ZCCHC2: variants seen among roughly 807,000 people sequenced by gnomAD.
ZCCHC2 encodes the protein zinc finger CCHC domain-containing protein 2.
Under a neutral mutation model 103.6 loss-of-function variants are expected in ZCCHC2, and 39 were observed. That is an observed-to-expected ratio of 0.38 (90% CI 0.29 to 0.49). ZCCHC2 has a LOEUF of 0.49. Among genes scored for constraint, ZCCHC2 ranks in the 20% least tolerant of loss-of-function variants. The pLI is 0.96. For missense variants in ZCCHC2, 1,483 were observed against 1,491.0 expected, an observed-to-expected ratio of 0.99 and a Z score of 0.09; for synonymous variants, 687 against 608.9, an observed-to-expected ratio of 1.13 and a Z score of -1.89.
In ZCCHC2 at chr18:62,574,473, A is replaced by T; in HGVS notation, c.2392A>T (p.Thr798Ser). The T allele has an allele frequency of 6.2e-7, 1 of 1,613,918 alleles. No homozygotes were observed. The highest frequency in any genetic ancestry group is 8.5e-7 in the Non-Finnish European group (1 of 1,179,884). Residue 798 changes from threonine (T) to serine (S), a missense_variant, in exon 13 of 14, where the codon ACC becomes TCC. Physicochemically the swap from Thr to Ser is moderately conservative, Grantham distance 58. Transcript: ENST00000269499. ...LLASPLPIPS[T>S]FLPHSSTPAL... is the part of the protein sequence containing the mutation. ...GGCTTCCCCTTTACCTATTCCATCAACCTTCCTTCCACACAGTAGTACTCC... is the reference window on the plus strand; with the variant it reads ...GGCTTCCCCTTTACCTATTCCATCATCCTTCCTTCCACACAGTAGTACTCC...
chr18:62,575,179 A>G lies in ZCCHC2; in HGVS notation c.3098A>G (p.Tyr1033Cys). 4 of 1,614,010 alleles carry G rather than the reference A, an allele frequency of 2.5e-6. No individual in the cohort carries two copies. Among genetic ancestry groups the G allele is most frequent in the Non-Finnish European group, 3.4e-6 (4 of 1,179,888 alleles). The change falls in exon 13 of 14, where the codon TAT becomes TGT. Residue 1033 changes from tyrosine (Y) to cysteine (C), a missense_variant. This residue lies in a region of ZCCHC2 where 884 missense variants were observed against 907.5 expected (regional missense o/e 0.97). Transcript: ENST00000269499. ...TNGNLQLNSY[Y>C]YPNPMPGPMY... ...GGAAACCTTCAGCTAAATAGTTACT[A>G]TTATCCTAATCCAATGCCTGGACCA...
chr18:62,523,976 C>T lies in ZCCHC2; in HGVS notation c.552C>T (p.Asn184=). The T allele has an allele frequency of 6.7e-7, 1 of 1,495,306 alleles. No individual in the cohort carries two copies. The highest frequency in any genetic ancestry group is 8.9e-7 in the Non-Finnish European group (1 of 1,127,206). The allele number at this position is 1,495,306 out of a possible 1,614,324, so 92.6% of individuals were successfully genotyped here. Residue 184 remains asparagine, a synonymous_variant, in exon 1 of 14, where the codon AAC becomes AAT. Transcript: ENST00000269499. ...ACCTGGCGCTGCTGGGCTCGGAGAA[C>T]CGGGAGGCCGCTGGCCGTCTGCACC... is the stretch of plus-strand genomic sequence containing the variant. ...IVYLALLGSE[N]REAAGRLHRL...
At position 62,550,538 on chromosome 18, in the gene ZCCHC2, G is replaced by C. The variant is rs868281398; in HGVS notation, c.1313+78G>C. 6 of 994,004 alleles carry C rather than the reference G, an allele frequency of 6.0e-6. No homozygotes were observed. In the South Asian group the frequency reaches 8.9e-5, roughly 15 times the overall value. 61.6% of individuals were successfully genotyped at this position (994,004 alleles called of 1,614,324 possible). ...CGCTCCAAATGGGGTCTTCAGGTGGGGGAATCATAGAGATCCTTTCTCTGG... is the reference window on the plus strand; with the variant it reads ...CGCTCCAAATGGGGTCTTCAGGTGGCGGAATCATAGAGATCCTTTCTCTGG... On this transcript the variant is annotated intron_variant, in intron 5 of 13. Coordinates refer to ENST00000269499, the MANE Select transcript of ZCCHC2 (RefSeq NM_017742.6).
At chr18:62,535,624 T>G (rs1379234868) in intron 1 of ZCCHC2, among the ~76,000 whole-genome samples, 2 of 152,160 alleles carry the variant, frequency 1.3e-5, no homozygotes, top group Non-Finnish European at 2.9e-5. Flanking sequence ...GAGAAGTGCA[T>G]GTCTCATGTG....
intron 1 of ZCCHC2, among the ~76,000 whole-genome samples, chr18:62,534,103 T>C (rs918117614): frequency 6.6e-6 from 1 of 152,052 alleles, no homozygotes; most frequent in Non-Finnish European, 1.5e-5. Context: ...TTAATATACC[T>C]TCCAAATCAG....
intron 1 of ZCCHC2, among the ~76,000 whole-genome samples, chr18:62,534,241 T>TC (rs1242927243): frequency 6.7e-6 from 1 of 150,194 alleles, no homozygotes; most frequent in Non-Finnish European, 1.5e-5. Flanking sequence ...AGCAGAGAGG[T>TC]CAAGGCTGAA....
chr18:62,534,025 A>C (rs1914813679), intron 1 of ZCCHC2, among the ~76,000 whole-genome samples: 1 of 152,198 alleles, frequency 6.6e-6, no homozygotes, highest in African/African-American at 2.4e-5. Context: ...TCTTTATATA[A>C]AAAGCGTGGA....
chr18:62,524,349 G>T lies in ZCCHC2; in HGVS notation c.925G>T (p.Gly309Cys). 2.6e-6 allele frequency: 4 copies of T among 1,526,378 alleles called. No individual in the cohort carries two copies. Among genetic ancestry groups the T allele is most frequent in the Non-Finnish European group, 3.5e-6 (4 of 1,137,988 alleles). 94.6% of individuals were successfully genotyped at this position (1,526,378 alleles called of 1,614,324 possible). A position where few individuals can be genotyped will look rare whatever the true frequency, so the allele number is the denominator to read the frequency against. The change falls in exon 1 of 14, where the codon GGC becomes TGC. Residue 309 changes from glycine to cysteine, a missense_variant. Coordinates refer to ENST00000269499, the MANE Select transcript of ZCCHC2 (RefSeq NM_017742.6). Reference protein sequence around the residue: ...EVEVEPCKFAGPRAQNNSAHG... With the variant: ...EVEVEPCKFACPRAQNNSAHG... ...GGAGGTAGAGCCGTGCAAGTTTGCCGGCCCCAGGGCCCAGGTAAGGCGCAC... is the reference window on the plus strand; with the variant it reads ...GGAGGTAGAGCCGTGCAAGTTTGCCTGCCCCAGGGCCCAGGTAAGGCGCAC...
chr18:62,537,961 A>G (rs1299022929), intron 1 of ZCCHC2, among the ~76,000 whole-genome samples: 1 of 152,154 alleles, frequency 6.6e-6, no homozygotes, highest in Admixed American at 6.5e-5. Flanking sequence ...TAGTCATCCT[A>G]ATGGGTATAA....
intron 1 of ZCCHC2, among the ~76,000 whole-genome samples, chr18:62,531,183 G>T (rs538563551): frequency 3.3e-5 from 5 of 152,154 alleles, no homozygotes; most frequent in African/African-American, 1.2e-4. Context: ...TACTTACAAA[G>T]AATTCTTTGT....
At position 62,577,058 on chromosome 18, in the gene ZCCHC2, G is replaced by A. The variant is rs1436027923; in HGVS notation, c.*479G>A. Reference sequence around the variant, plus strand: ...ACTCTGTCTCCGGCCCGCAGCAGGAGCAGCCAGCAGTGCATTCACCCCACT... The same window carrying A: ...ACTCTGTCTCCGGCCCGCAGCAGGAACAGCCAGCAGTGCATTCACCCCACT... On this transcript the variant is annotated 3_prime_UTR_variant, in exon 14 of 14. Transcript: ENST00000269499. 1 of 159,210 alleles carries A rather than the reference G, an allele frequency of 6.3e-6. No homozygotes were observed. Among genetic ancestry groups the A allele is most frequent in the Non-Finnish European group, 1.4e-5 (1 of 71,844 alleles). The allele number at this position is 159,210 out of a possible 1,614,324, so 9.9% of individuals were successfully genotyped here.
chr18:62,539,175 G>A (rs1228264750), intron 1 of ZCCHC2, among the ~76,000 whole-genome samples: 1 of 152,182 alleles, frequency 6.6e-6, no homozygotes, highest in African/African-American at 2.4e-5. Context: ...GTTGCTGTTA[G>A]ATGACTGAAC....
intron 11 of ZCCHC2, among the ~76,000 whole-genome samples, chr18:62,567,959 A>AAAAAAAAAAG (rs369205121): frequency 1.3e-5 from 2 of 149,018 alleles, no homozygotes; most frequent in South Asian, 2.1e-4. Flanking sequence ...AAAAAAAAAA[A>AAAAAAAAAAG]GAATGCTCAT....
intron 8 of ZCCHC2, among the ~76,000 whole-genome samples, chr18:62,561,435 T>C (rs2066288043): frequency 6.6e-6 from 1 of 152,234 alleles, no homozygotes; most frequent in Admixed American, 6.5e-5. Context: ...CATACCACAT[T>C]AGCGCTGTGC....
intron 4 of ZCCHC2, among the ~76,000 whole-genome samples, chr18:62,545,158 G>A (rs552653683): frequency 6.6e-6 from 1 of 152,290 alleles, no homozygotes; most frequent in East Asian, 1.9e-4. Context: ...GGCCAAGGCG[G>A]GAGGATCATG....
chr18:62,543,526 C>T (rs1178844502), intron 3 of ZCCHC2, among the ~76,000 whole-genome samples: 1 of 152,176 alleles, frequency 6.6e-6, no homozygotes, highest in African/African-American at 2.4e-5. Flanking sequence ...GCTCTTTACT[C>T]TCCACGCTCA....
At chr18:62,545,009 G>C in intron 4 of ZCCHC2, 136 bp downstream of exon 4, 1 of 633,450 alleles carries the variant, frequency 1.6e-6, no homozygotes, top group Non-Finnish European at 2.5e-6. Context: ...AACATTAGCT[G>C]TGGAAAACGT....
chr18:62,547,366 T>C (rs1915461817), intron 4 of ZCCHC2, among the ~76,000 whole-genome samples: 3 of 151,962 alleles, frequency 2.0e-5, no homozygotes, highest in Admixed American at 2.0e-4. Context: ...ATCTGTCCTT[T>C]GGACGATGTG....
chr18:62,576,021 G>T (rs1307821138), intron 13 of ZCCHC2, among the ~76,000 whole-genome samples: 1 of 99,454 alleles, frequency 1.0e-5, no homozygotes, highest in Non-Finnish European at 2.1e-5. Flanking sequence ...TTCCTTCCCA[G>T]CAAATGTTAA....
Sources: gnomAD v4.1 joint callset for allele counts (sites outside exome capture counted in the v4.1 genomes callset) on GRCh38, gnomAD v4.1.1 for gene constraint, gnomAD v4.1.1 regional missense constraint, MANE v1.5 for transcripts, NCBI Gene and HGNC (gene_info 2026-07-23, HGNC 2026-07-21) for gene names.